The following MLIP variants were observed in gnomAD, a reference collection of about 807,000 sequenced individuals.
MLIP encodes muscular LMNA-interacting protein.
Under a neutral mutation model 84.8 loss-of-function variants are expected in MLIP, and 79 were observed. The observed-to-expected ratio is 0.93, with a 90% CI of 0.78 to 1.12. The LOEUF (loss-of-function observed/expected upper bound fraction) is 1.12, where lower values mean the gene tolerates loss of function less well. MLIP is among the 50% of genes most tolerant of loss of function. The pLI, the probability that MLIP is intolerant of heterozygous loss-of-function variation, is 0.00. For synonymous variants in MLIP, 504 were observed against 463.0 expected (o/e 1.09, Z -1.14); for missense variants, 1,257 against 1,160.6 (o/e 1.08, Z -1.21).
chr6:54,149,024 C>T (rs1335368389), intron 4 of MLIP, 32 bp from the exon 5 acceptor site: 2 of 1,581,190 alleles, frequency 1.3e-6, no homozygotes, highest in Non-Finnish European at 8.7e-7. Flanking sequence ...CCATTTTCAT[C>T]TCTACTCTTG....
chr6:54,169,246 T>C (rs9474746), intron 8 of MLIP, among the ~76,000 whole-genome samples: 14,010 of 151,578 alleles, frequency 0.092, 821 homozygotes, highest in East Asian at 0.21. Flanking sequence ...AATTTTGAAA[T>C]AGGCAAAAAT....
At chr6:54,264,383 C>G (rs1783569737) in intron 13 of MLIP, among the ~76,000 whole-genome samples, 1 of 151,956 alleles carries the variant, frequency 6.6e-6, no homozygotes, top group Non-Finnish European at 1.5e-5. Context: ...CTAAGACAAA[C>G]TAAGTAATGG....
At chr6:54,222,425 G>A (rs1780280629) in intron 11 of MLIP, among the ~76,000 whole-genome samples, 1 of 151,886 alleles carries the variant, frequency 6.6e-6, no homozygotes, top group Non-Finnish European at 1.5e-5. Context: ...CCTTCTATGA[G>A]TTTGACTATT....
intron 1 of MLIP, among the ~76,000 whole-genome samples, chr6:54,113,042 T>C (rs1769602526): frequency 6.6e-6 from 1 of 152,196 alleles, no homozygotes; most frequent in South Asian, 2.1e-4. Context: ...CATCATTATA[T>C]ATGCTTTAGA....
intron 1 of MLIP, among the ~76,000 whole-genome samples, chr6:54,052,521 A>G (rs1326392703): frequency 2.0e-5 from 3 of 152,304 alleles, no homozygotes; most frequent in African/African-American, 4.8e-5. Flanking sequence ...ACAGGTAGAG[A>G]TCTATTTTTC....
At chr6:54,252,451 A>G (rs1483433058) in intron 12 of MLIP, among the ~76,000 whole-genome samples, 5 of 135,956 alleles carry the variant, frequency 3.7e-5, no homozygotes, top group Non-Finnish European at 6.1e-5. Context: ...TAACTATAGT[A>G]TATTATAACA....
intron 1 of MLIP, among the ~76,000 whole-genome samples, chr6:54,103,740 G>C (rs1561932626): frequency 6.6e-6 from 1 of 152,142 alleles, no homozygotes; most frequent in Admixed American, 6.6e-5. Flanking sequence ...GAAGCACTAA[G>C]ATTAAATATG....
intron 1 of MLIP, among the ~76,000 whole-genome samples, chr6:54,102,695 T>C (rs1400860653): frequency 6.6e-6 from 1 of 152,150 alleles, no homozygotes; most frequent in Non-Finnish European, 1.5e-5. Flanking sequence ...GCATAAAGCA[T>C]GCAACCATTT....
At chr6:54,021,267 T>C in intron 1 of MLIP, among the ~76,000 whole-genome samples, 1 of 152,186 alleles carries the variant, frequency 6.6e-6, no homozygotes, top group East Asian at 1.9e-4. Flanking sequence ...TTCGTAAAAG[T>C]CTGGTTTTTA....
chr6:54,202,734 A>C (rs569120580), intron 11 of MLIP, among the ~76,000 whole-genome samples: 77 of 152,056 alleles, frequency 5.1e-4, no homozygotes, highest in Admixed American at 1.5e-3. Context: ...CTCTACAACA[A>C]ATTAAAAAAA....
intron 1 of MLIP, among the ~76,000 whole-genome samples, chr6:54,072,625 T>C (rs1766555784): frequency 6.6e-6 from 1 of 152,218 alleles, no homozygotes; most frequent in Non-Finnish European, 1.5e-5. Flanking sequence ...TGCTCATTAA[T>C]ATTAGTAATA....
intron 3 of MLIP, among the ~76,000 whole-genome samples, chr6:54,128,619 G>A (rs986545428): frequency 5.9e-5 from 9 of 152,098 alleles, no homozygotes; most frequent in Non-Finnish European, 7.4e-5. Context: ...CAGTGTGAGC[G>A]AGATTATGGG....
intron 12 of MLIP, among the ~76,000 whole-genome samples, chr6:54,232,452 A>G (rs1781072925): frequency 6.6e-6 from 1 of 152,182 alleles, no homozygotes; most frequent in Non-Finnish European, 1.5e-5. Context: ...TCCTCATAAT[A>G]GATTTTGTCT....
chr6:54,260,696 A>T (rs1783324528), intron 13 of MLIP, among the ~76,000 whole-genome samples: 1 of 152,046 alleles, frequency 6.6e-6, no homozygotes, highest in African/African-American at 2.4e-5. Flanking sequence ...TTAAATGAAT[A>T]ACATGTGCTT....
intron 1 of MLIP, chr6:54,046,910 T>C (rs1178522742): frequency 1.3e-5 from 2 of 152,132 alleles, no homozygotes; most frequent in African/African-American, 2.4e-5. Flanking sequence ...AGTTTGGAGG[T>C]GCTTTATATT....
chr6:54,112,253 C>T (rs765558067), intron 1 of MLIP, among the ~76,000 whole-genome samples: 5 of 152,162 alleles, frequency 3.3e-5, no homozygotes, highest in Admixed American at 6.5e-5. Flanking sequence ...GGAACTTAGC[C>T]ACAGTATGCA....
rs935086373 is a variant in MLIP at position 54,218,015 on chromosome 6, G to A, written c.2719-12699G>A. The A allele has an allele frequency of 8.1e-6, 8 of 985,128 alleles. No individual in the cohort carries two copies. In the African/African-American group the frequency reaches 1.2e-4, roughly 15 times the overall value. The allele number at this position is 985,128 out of a possible 1,614,324, so 61.0% of individuals were successfully genotyped here. A position where few individuals can be genotyped will look rare whatever the true frequency, so the allele number is the denominator to read the frequency against. ...GTTTTGAAGCAAATCTCAAACAGGGGTCACAAACTATGGTCTGTGGGCCAA... is the reference window on the plus strand; with the variant it reads ...GTTTTGAAGCAAATCTCAAACAGGGATCACAAACTATGGTCTGTGGGCCAA... On this transcript the variant is annotated intron_variant, in intron 11 of 13. Coordinates refer to ENST00000502396, the MANE Select transcript of MLIP (RefSeq NM_001281747.2).
chr6:54,057,075 C>T (rs920792530), intron 1 of MLIP, among the ~76,000 whole-genome samples: 4 of 152,202 alleles, frequency 2.6e-5, no homozygotes, highest in African/African-American at 9.6e-5. Context: ...ATTTACTCCT[C>T]ACAATAGCCC....
At chr6:54,092,504 G>A (rs1390425301) in intron 1 of MLIP, among the ~76,000 whole-genome samples, 1 of 151,956 alleles carries the variant, frequency 6.6e-6, no homozygotes, top group African/African-American at 2.4e-5. Flanking sequence ...AGTCAGGCGA[G>A]TTTTGCAGAA....
Sources: gnomAD v4.1 joint callset for allele counts (sites outside exome capture counted in the v4.1 genomes callset) on GRCh38, gnomAD v4.1.1 for gene constraint, MANE v1.5 for transcripts, NCBI Gene and HGNC (gene_info 2026-07-23, HGNC 2026-07-21) for gene names.